Variants in NUFIP1 observed in about 807,000 individuals in gnomAD.
NUFIP1 encodes the protein nuclear FMR1 interacting protein 1.
NUFIP1 carries 38 observed loss-of-function variants against 56.2 expected under a neutral mutation model. That is an observed-to-expected ratio of 0.68 (90% CI 0.52 to 0.89). The LOEUF is 0.89. NUFIP1 is among the 40% of genes least tolerant of loss of function. The pLI is 0.00. For synonymous variants in NUFIP1, 215 were observed against 212.4 expected (o/e 1.01, Z -0.10); for missense variants, 567 against 605.8 (o/e 0.94, Z 0.67).
At chr13:44,966,101 A>G (rs1281465210) in intron 5 of NUFIP1, among the ~76,000 whole-genome samples, 165 bp from the exon 6 acceptor site, 2 of 152,208 alleles carry the variant, frequency 1.3e-5, no homozygotes, top group Non-Finnish European at 2.9e-5. Context: ...AGTACTTATA[A>G]CAATGTTACT....
chr13:44,943,659 G>A lies in NUFIP1; in HGVS notation c.1154C>T (p.Thr385Ile). Reference sequence around the variant, plus strand: ...GTTTTCTGCCAAAACGTCTGCTTCAGTCTTGATGGGAGTTTCTAAGTGTGA... The same window carrying A: ...GTTTTCTGCCAAAACGTCTGCTTCAATCTTGATGGGAGTTTCTAAGTGTGA... Reference protein sequence around the residue: ...ESEPEETPIKTEADVLAENQV... With the variant: ...ESEPEETPIKIEADVLAENQV... The change falls in exon 9 of 10, where the codon ACT becomes ATT. Residue 385 changes from threonine to isoleucine, a missense_variant. Coordinates refer to ENST00000379161, the MANE Select transcript of NUFIP1 (RefSeq NM_012345.3). 1 of 1,610,954 alleles carries A rather than the reference G, an allele frequency of 6.2e-7. No homozygotes were observed. The highest frequency in any genetic ancestry group is 8.5e-7 in the Non-Finnish European group (1 of 1,178,938).
chr13:44,941,392 G>A (rs570667469), intron 9 of NUFIP1, 70 bp from the exon 10 acceptor site: 1 of 814,930 alleles, frequency 1.2e-6, no homozygotes, highest in African/African-American at 1.7e-5. Flanking sequence ...CTAAAATATT[G>A]CATGTACCCT....
At chr13:44,988,665 A>G (rs1291371964) in intron 1 of NUFIP1, among the ~76,000 whole-genome samples, 2 of 152,226 alleles carry the variant, frequency 1.3e-5, no homozygotes, top group Admixed American at 1.3e-4. Context: ...TCGGAATTCA[A>G]TAAATAACTG....
intron 5 of NUFIP1, among the ~76,000 whole-genome samples, chr13:44,975,418 T>C (rs141255180): frequency 1.3e-4 from 20 of 152,290 alleles, no homozygotes; most frequent in African/African-American, 4.6e-4. Flanking sequence ...CCACCTTTCA[T>C]AGAGGTGCTA....
At chr13:44,963,783 C>G (rs1429351673) in intron 6 of NUFIP1, among the ~76,000 whole-genome samples, 1 of 152,090 alleles carries the variant, frequency 6.6e-6, no homozygotes, top group Non-Finnish European at 1.5e-5. Flanking sequence ...GGATTTTTGT[C>G]TCTCTGCTCA....
Position 44,982,083 on chromosome 13 carries a change from G to A in NUFIP1, c.484C>T (p.Gln162Ter). ...CATCTTTCAAATACCTTTTTTTTCT[G>A]TTTTCTACTGGGAGGTAAGCTGAAG... ...TDFSLPPSRKQKKKKRKEPVF... is the reference protein window; with the variant it reads ...TDFSLPPSRK Residue 162 changes from glutamine to a stop codon, truncating the protein, a stop_gained, in exon 2 of 10, where the codon CAG (glutamine) becomes TAG (stop). Transcript: ENST00000379161. LOFTEE classifies it high-confidence loss of function. 6.7e-7 allele frequency: 1 copy of A among 1,490,374 alleles called. No homozygotes were observed. The highest frequency in any genetic ancestry group is 1.5e-5 in the South Asian group (1 of 65,150). 92.3% of individuals were successfully genotyped at this position (1,490,374 alleles called of 1,614,324 possible).
Position 44,959,404 on chromosome 13 carries a change from C to T in NUFIP1, c.998G>A (p.Gly333Asp). The T allele has an allele frequency of 3.1e-6, 5 of 1,613,772 alleles. No homozygotes were observed. Among genetic ancestry groups the T allele is most frequent in the Non-Finnish European group, 4.2e-6 (5 of 1,179,952 alleles). ...ACCAGAATCACTGTTTATCAAAACA[C>T]CAAGAGGATCTGCATTTGCCTCCGG... ...GPPEANADPL[G>D]VLINSDSESD... Residue 333 changes from glycine to aspartate, a missense_variant, in exon 7 of 10, where the codon GGT becomes GAT. Physicochemically the swap from Gly to Asp is moderately conservative, Grantham distance 94. Coordinates refer to ENST00000379161, the MANE Select transcript of NUFIP1 (RefSeq NM_012345.3).
chr13:44,965,527 C>G (rs1871567406), intron 6 of NUFIP1, among the ~76,000 whole-genome samples: 1 of 152,066 alleles, frequency 6.6e-6, no homozygotes, highest in Non-Finnish European at 1.5e-5. Context: ...AACCCCATCT[C>G]CACTAAAAAT....
Position 44,980,817 on chromosome 13 carries a change from T to C in NUFIP1, c.499A>G (p.Arg167Gly). 6.3e-7 allele frequency: 1 copy of C among 1,589,690 alleles called. No individual in the cohort carries two copies. Among genetic ancestry groups the C allele is most frequent in the Non-Finnish European group, 8.5e-7 (1 of 1,173,040 alleles). ...PPSRKQKKKK[R>G]KEPVFHFFCD... ...AAAAAGTGAAAAACTGGTTCCTTTC[T>C]TTTCTGCAAACAAAAACAGAGAGGA... Residue 167 changes from arginine to glycine, a missense_variant, in exon 3 of 10, where the codon AGA becomes GGA. By Grantham distance (125) the Arg-to-Gly change is moderately radical. Transcript: ENST00000379161.
intron 1 of NUFIP1, among the ~76,000 whole-genome samples, chr13:44,982,497 G>A (rs962343856): frequency 5.9e-5 from 9 of 152,106 alleles, no homozygotes; most frequent in African/African-American, 1.7e-4. Context: ...CATCAATTTC[G>A]CACCAGGAAA....
At chr13:44,980,158 A>G (rs969084646) in intron 3 of NUFIP1, among the ~76,000 whole-genome samples, 1 of 152,218 alleles carries the variant, frequency 6.6e-6, no homozygotes, top group Non-Finnish European at 1.5e-5. Context: ...GCACAATAAT[A>G]TATCTTATTT....
chr13:44,944,610 T>C (rs1054660652), intron 8 of NUFIP1, among the ~76,000 whole-genome samples: 4 of 152,106 alleles, frequency 2.6e-5, no homozygotes, highest in African/African-American at 9.6e-5. Flanking sequence ...ACACCCGACC[T>C]AATACATTTT....
At chr13:44,944,493 T>C (rs1191907664) in intron 8 of NUFIP1, among the ~76,000 whole-genome samples, 2 of 152,128 alleles carry the variant, frequency 1.3e-5, no homozygotes, top group Non-Finnish European at 2.9e-5. Context: ...AAATCCATTA[T>C]TATGATTGAA....
chr13:44,988,950 G>A lies in NUFIP1; in HGVS notation c.412+75C>T, dbSNP rs575669418. On this transcript the variant is annotated intron_variant, in intron 1 of 9. Transcript: ENST00000379161. ...GCAGAGGCAAGGCAGAGTAGAGAGA[G>A]GAAGCAGAGAAAGGGGAGAGGAAAG... is the stretch of plus-strand genomic sequence containing the variant. 2.1e-5 allele frequency: 30 copies of A among 1,460,632 alleles called. 1 individual carries two copies. In the South Asian group the frequency reaches 3.7e-4, roughly 18 times the overall value. 90.5% of individuals were successfully genotyped at this position (1,460,632 alleles called of 1,614,324 possible). A position where few individuals can be genotyped will look rare whatever the true frequency, so the allele number is the denominator to read the frequency against.
intron 9 of NUFIP1, among the ~76,000 whole-genome samples, 188 bp downstream of exon 9, chr13:44,943,254 C>T (rs1296473572): frequency 1.3e-5 from 2 of 152,018 alleles, no homozygotes; most frequent in Non-Finnish European, 2.9e-5. Context: ...TTACATTATT[C>T]CACATTCACT....
At chr13:44,985,731 T>C (rs1192762606) in intron 1 of NUFIP1, among the ~76,000 whole-genome samples, 1 of 152,122 alleles carries the variant, frequency 6.6e-6, no homozygotes, top group Non-Finnish European at 1.5e-5. Flanking sequence ...TACCAACCGG[T>C]GGTTCTCCTC....
rs1870690278 is a variant in NUFIP1, at chr13:44,940,326, G to A, written c.*880C>T. On this transcript the variant is annotated 3_prime_UTR_variant, in exon 10 of 10. Coordinates refer to ENST00000379161, the MANE Select transcript of NUFIP1 (RefSeq NM_012345.3). ...CTGGAGAGGATTTTACCAACATGGAGGAGCTATCAGCTTTCTTACCTTTCT... is the reference window on the plus strand; with the variant it reads ...CTGGAGAGGATTTTACCAACATGGAAGAGCTATCAGCTTTCTTACCTTTCT... The A allele has an allele frequency of 6.6e-6, 1 of 152,218 alleles. No homozygotes were observed. Among genetic ancestry groups the A allele is most frequent in the African/African-American group, 2.4e-5 (1 of 41,460 alleles). 9.4% of individuals were successfully genotyped at this position (152,218 alleles called of 1,614,324 possible).
At chr13:44,966,054 C>T (rs942816729) in intron 5 of NUFIP1, 118 bp from the exon 6 acceptor site, 8 of 447,360 alleles carry the variant, frequency 1.8e-5, no homozygotes, top group Admixed American at 4.2e-5. Context: ...AAATTATAAA[C>T]CTTTAACTGC....
At chr13:44,981,992 G>A in intron 2 of NUFIP1, 80 bp downstream of exon 2, 2 of 666,572 alleles carry the variant, frequency 3.0e-6, no homozygotes, top group Non-Finnish European at 4.6e-6. Context: ...AAACACTGAA[G>A]ACAGTTATGA....
Sources: gnomAD v4.1 joint callset for allele counts (sites outside exome capture counted in the v4.1 genomes callset) on GRCh38, gnomAD v4.1.1 for gene constraint, MANE v1.5 for transcripts, NCBI Gene and HGNC (gene_info 2026-07-23, HGNC 2026-07-21) for gene names.